The following THRAP3 variants were observed in gnomAD, a reference collection of about 807,000 sequenced individuals.
THRAP3 encodes the protein thyroid hormone receptor-associated protein 3.
THRAP3 carries 16 observed loss-of-function variants against 101.0 expected under a neutral mutation model. The ratio of observed to expected loss-of-function variants is 0.16; its 90% CI spans 0.11 to 0.24. The LOEUF is 0.24. THRAP3 is among the 10% of genes least tolerant of loss of function. The pLI is 1.00. For missense variants in THRAP3, 989 were observed against 1,202.7 expected, an observed-to-expected ratio of 0.82 and a Z score of 2.63; for synonymous variants, 407 against 422.6, an observed-to-expected ratio of 0.96 and a Z score of 0.45.
intron 2 of THRAP3, among the ~76,000 whole-genome samples, chr1:36,270,713 G>C (rs1208427325): frequency 6.6e-6 from 1 of 151,608 alleles, no homozygotes; most frequent in East Asian, 1.9e-4. Flanking sequence ...GAGTAGCTGG[G>C]ATTACAGGCA....
chr1:36,276,723 G>T (rs1438980783), intron 2 of THRAP3, among the ~76,000 whole-genome samples: 1 of 151,436 alleles, frequency 6.6e-6, no homozygotes, highest in Non-Finnish European at 1.5e-5. Flanking sequence ...TGGGTGTGGT[G>T]TTGCACCAAT....
intron 2 of THRAP3, among the ~76,000 whole-genome samples, chr1:36,271,434 C>T (rs903471827): frequency 2.0e-5 from 3 of 151,984 alleles, no homozygotes; most frequent in Admixed American, 1.3e-4. Flanking sequence ...AGGTGCATGC[C>T]AACACACCTG....
In THRAP3 at chr1:36,293,922, A is replaced by G. The variant is rs1178026044; in HGVS notation, c.2102A>G (p.Glu701Gly). ...CATGATGAAATGAAAAGTCCCCGGG[A>G]ACCTGGCTACAAGGTGAACTGTTGA... ...LAHDEMKSPR[E>G]PGYKAEGKYK... The change falls in exon 8 of 12, where the codon GAA (glutamate) becomes GGA (glycine). Residue 701 changes from glutamate to glycine, a missense_variant. Physicochemically the swap from Glu to Gly is moderately conservative, Grantham distance 98. Transcript: ENST00000354618. 6.2e-7 allele frequency: 1 copy of G among 1,613,710 alleles called. No individual in the cohort carries two copies. Among genetic ancestry groups the G allele is most frequent in the East Asian group, 2.2e-5 (1 of 44,858 alleles).
Position 36,290,960 on chromosome 1 carries a change from T to G in THRAP3, c.1746-414T>G, listed in dbSNP as rs1455115487. Reference sequence around the variant, plus strand: ...CACCTCCCTGAATGGCCTTGGCTGGTCATGCTAGCTGATCTTTTTATTGAT... The same window carrying G: ...CACCTCCCTGAATGGCCTTGGCTGGGCATGCTAGCTGATCTTTTTATTGAT... On this transcript the variant is annotated intron_variant, in intron 5 of 11. Coordinates refer to ENST00000354618, the MANE Select transcript of THRAP3 (RefSeq NM_005119.4). 2.6e-5 allele frequency among the ~76,000 whole-genome samples: 4 copies of G among 152,170 alleles called. No homozygotes were observed. In the East Asian group the frequency reaches 7.7e-4, roughly 29 times the overall value.
rs1645401832 is a variant in THRAP3 at position 36,258,292 on chromosome 1, G to A, written c.-134-1090G>A. On this transcript the variant is annotated intron_variant, in intron 1 of 11. Coordinates refer to ENST00000354618, the MANE Select transcript of THRAP3 (RefSeq NM_005119.4). Reference sequence around the variant, plus strand: ...TGAGGAATCAGGGGAAGAAGTTTTGGCTGATGTAACCTAGGCTGAATTAGA... The same window carrying A: ...TGAGGAATCAGGGGAAGAAGTTTTGACTGATGTAACCTAGGCTGAATTAGA... Among the ~76,000 whole-genome samples the A allele has an allele frequency of 2.0e-5, 3 of 152,216 alleles. No individual in the cohort carries two copies. In the South Asian group the frequency reaches 6.2e-4, roughly 31 times the overall value.
intron 9 of THRAP3, among the ~76,000 whole-genome samples, chr1:36,297,849 T>TA (rs920835691): frequency 5.9e-5 from 9 of 151,770 alleles, no homozygotes; most frequent in African/African-American, 2.2e-4. Flanking sequence ...TAATGTGCCT[T>TA]ACGATCACAA....
chr1:36,249,252 C>CGCAAGCTCCGCTCACT (rs796715401), intron 1 of THRAP3, among the ~76,000 whole-genome samples: 36 of 145,166 alleles, frequency 2.5e-4, no homozygotes, highest in African/African-American at 8.7e-4. Context: ...AATGCAGTGG[C>CGCAAGCTCCGCTCACT]GCAAGCTCCG....
At chr1:36,237,133 G>A (rs1645099700) in intron 1 of THRAP3, among the ~76,000 whole-genome samples, 1 of 151,548 alleles carries the variant, frequency 6.6e-6, no homozygotes, top group African/African-American at 2.4e-5. Flanking sequence ...TTGCACTCCA[G>A]CTTGGGCAAT....
chr1:36,221,136 T>C (rs955693678), upstream of THRAP3, among the ~76,000 whole-genome samples: 1 of 144,002 alleles, frequency 6.9e-6, no homozygotes, highest in Non-Finnish European at 1.5e-5. Flanking sequence ...AGTGTGCACA[T>C]ATTGTGGGCC....
intron 9 of THRAP3, 85 bp from the exon 10 acceptor site, chr1:36,300,801 T>C: frequency 7.4e-7 from 1 of 1,354,852 alleles, no homozygotes; most frequent in Non-Finnish European, 1.0e-6. Flanking sequence ...ATACTTTTGA[T>C]TGCCCTGTGC....
chr1:36,287,950 G>A (rs185581266), intron 4 of THRAP3: 127 of 982,480 alleles, frequency 1.3e-4, no homozygotes, highest in Middle Eastern at 1.0e-3. Context: ...GTTGCACTGG[G>A]ACCAGGTTGT....
intron 2 of THRAP3, among the ~76,000 whole-genome samples, chr1:36,260,377 A>C (rs1645429567): frequency 6.6e-6 from 1 of 152,204 alleles, no homozygotes; most frequent in African/African-American, 2.4e-5. Flanking sequence ...CCTTAGAAGC[A>C]GTCATTTTCA....
intron 9 of THRAP3, among the ~76,000 whole-genome samples, chr1:36,297,418 C>T (rs1645966784): frequency 6.7e-6 from 1 of 148,590 alleles, no homozygotes; most frequent in Non-Finnish European, 1.5e-5. Context: ...AACACTTCTG[C>T]TGATTTTGAA....
chr1:36,263,466 T>A (rs752131276), intron 2 of THRAP3, among the ~76,000 whole-genome samples: 72 of 152,312 alleles, frequency 4.7e-4, no homozygotes, highest in Admixed American at 3.0e-3. Flanking sequence ...AGAAAAGATT[T>A]ATCATAATGA....
intron 2 of THRAP3, among the ~76,000 whole-genome samples, chr1:36,265,184 C>T (rs1323143709): frequency 6.6e-6 from 1 of 152,188 alleles, no homozygotes; most frequent in Non-Finnish European, 1.5e-5. Flanking sequence ...CTGTAAATAA[C>T]ATCTTACATT....
chr1:36,278,858 G>C (rs990819572), intron 2 of THRAP3, among the ~76,000 whole-genome samples: 2 of 151,906 alleles, frequency 1.3e-5, no homozygotes, highest in African/African-American at 4.8e-5. Flanking sequence ...AGGTGGCAGA[G>C]GTTGCAGTGA....
At position 36,287,263 on chromosome 1, in the gene THRAP3, A is replaced by G. The variant is rs957280921; in HGVS notation, c.1033A>G (p.Thr345Ala). Residue 345 changes from threonine (T) to alanine (A), a missense_variant, in exon 4 of 12, where the codon ACA (threonine) becomes GCA (alanine). Transcript: ENST00000354618. ...ESAASGGAAY[T>A]KRYLEEQKTE... ...TGCTGCTTCAGGAGGAGCAGCCTAT[A>G]CAAAGAGGCAAGTATCTCATTTCCC... 4.4e-6 allele frequency: 7 copies of G among 1,598,004 alleles called. No homozygotes were observed. The African/African-American group carries it at 6.7e-5, about 15-fold the overall frequency.
At chr1:36,301,112 C>G in intron 10 of THRAP3, 28 bp downstream of exon 10, 1 of 1,606,934 alleles carries the variant, frequency 6.2e-7, no homozygotes, top group Non-Finnish European at 8.5e-7. Context: ...CCCCCTTTCT[C>G]TGAGACCCTT....
At chr1:36,274,410 G>A (rs1645629472) in intron 2 of THRAP3, among the ~76,000 whole-genome samples, 1 of 151,982 alleles carries the variant, frequency 6.6e-6, no homozygotes. Context: ...TGCAGAAATT[G>A]GCATGCTGAT....
Sources: gnomAD v4.1 joint callset for allele counts (sites outside exome capture counted in the v4.1 genomes callset) on GRCh38, gnomAD v4.1.1 for gene constraint, MANE v1.5 for transcripts, NCBI Gene and HGNC (gene_info 2026-07-23, HGNC 2026-07-21) for gene names.